CROCC: variants seen among roughly 807,000 people sequenced by gnomAD.
CROCC encodes ciliary rootlet coiled-coil, rootletin, also known as rootletin.
Under a neutral mutation model 245.2 loss-of-function variants are expected in CROCC, and 180 were observed. The ratio of observed to expected loss-of-function variants is 0.73; its 90% CI spans 0.65 to 0.83. The LOEUF (loss-of-function observed/expected upper bound fraction) is 0.83, where lower values mean the gene tolerates loss of function less well. Among genes scored for constraint, CROCC ranks in the 40% least tolerant of loss-of-function variants. The probability of loss-of-function intolerance (pLI) is 0.00; values close to 1 mark genes in which losing one functional copy is unlikely to be tolerated. For synonymous variants in CROCC, 1,205 were observed against 1,241.6 expected, an observed-to-expected ratio of 0.97 and a Z score of 0.62; for missense variants, 2,688 against 2,779.4, an observed-to-expected ratio of 0.97 and a Z score of 0.74.
rs748484024 is a variant in CROCC at position 16,969,871 on chromosome 1, C to T, written c.5388C>T (p.Gly1796=). ...SLGEQVQTLR[G]EVADLELQRV... ...GCGAGCAGGTGCAGACGTTGCGAGG[C>T]GAGGTGGCTGACCTGGAACTGCAGC... Residue 1796 remains glycine, a synonymous_variant, in exon 33 of 37, where the codon GGC becomes GGT. Coordinates refer to ENST00000375541, the MANE Select transcript of CROCC (RefSeq NM_014675.5). 9.3e-6 allele frequency: 15 copies of T among 1,611,450 alleles called. No homozygotes were observed. Among genetic ancestry groups the T allele is most frequent in the East Asian group, 2.2e-5 (1 of 44,818 alleles).
chr1:16,938,915 T>A lies in CROCC; in HGVS notation c.1381T>A (p.Leu461Met). The A allele has an allele frequency of 6.2e-7, 1 of 1,603,846 alleles. No homozygotes were observed. Among genetic ancestry groups the A allele is most frequent in the Non-Finnish European group, 8.5e-7 (1 of 1,177,190 alleles). Residue 461 changes from leucine (L) to methionine (M), a missense_variant, in exon 12 of 37, where the codon TTG becomes ATG. Physicochemically the swap from Leu to Met is conservative, Grantham distance 15 (BLOSUM62 2). Transcript: ENST00000375541. ...CTCCCTCCCCCACCCTCAGGCCGTC[T>A]TGTCAGACTCTGAGAGCGGCGTCCA... ...QTLRDLAQAV[L>M]SDSESGVQLS...
rs149931312 is a variant in CROCC, at chr1:16,966,001, C to T, written c.4578C>T (p.Asp1526=). The T allele has an allele frequency of 9.6e-4, 1,545 of 1,612,162 alleles. 2 individuals carry two copies. The highest frequency in any genetic ancestry group is 1.2e-3 in the Non-Finnish European group (1,432 of 1,178,620). The stretch of plus-strand genomic sequence containing the variant: ...GTTCCCCCATGTCGGGGCTACAGGA[C>T]GAACTTCGGACCCAGACCAGTGCCC... ...QELRSAQRER[D]ELRTQTSALN... is the part of the protein sequence containing the mutation. The change falls in exon 29 of 37, where the codon GAC becomes GAT. Residue 1526 remains aspartate, a splice_region_variant and synonymous_variant. Transcript: ENST00000375541. This position sits in a 1 kb window ranked among gnomAD's most constrained non-coding sequence, Gnocchi z 4.8.
intron 10 of CROCC, among the ~76,000 whole-genome samples, chr1:16,938,025 T>A (rs895341563): frequency 6.6e-6 from 1 of 152,272 alleles, no homozygotes; most frequent in Admixed American, 6.5e-5. Flanking sequence ...GAGTCGGGAC[T>A]TGAACTCCCA....
chr1:16,931,474 T>G, intron 8 of CROCC, 77 bp downstream of exon 8: 2 of 1,344,884 alleles, frequency 1.5e-6, no homozygotes, highest in Non-Finnish European at 2.1e-6. Flanking sequence ...CAGTTGAATT[T>G]CAGTTCAACT....
rs540244465 is a variant in CROCC at position 16,928,570 on chromosome 1, G to A, written c.352-1276G>A. Among the ~76,000 whole-genome samples, 50 of 152,182 alleles carry A rather than the reference G, an allele frequency of 3.3e-4. No individual in the cohort carries two copies. In the South Asian group the frequency reaches 4.6e-3, roughly 14 times the overall value. On this transcript the variant is annotated intron_variant, in intron 3 of 36. Coordinates refer to ENST00000375541, the MANE Select transcript of CROCC (RefSeq NM_014675.5). ...TGTAATCCCAGCACTTTGGGAGGCC[G>A]AGGCGGGTGGATTACGAGGTCAGGA...
chr1:16,953,596 G>A, intron 21 of CROCC, 115 bp downstream of exon 21: 1 of 1,010,098 alleles, frequency 9.9e-7, no homozygotes. Flanking sequence ...TGCCCTCTTG[G>A]GGGCCTCAGT....
At chr1:16,971,813 C>T (rs889107839) in intron 36 of CROCC, among the ~76,000 whole-genome samples, 166 bp downstream of exon 36, 4 of 152,214 alleles carry the variant, frequency 2.6e-5, no homozygotes, top group East Asian at 1.9e-4. Context: ...ACCGGGGCCA[C>T]GGGATGCTCC....
intron 27 of CROCC, among the ~76,000 whole-genome samples, chr1:16,962,292 TC>T (rs1320863924): frequency 6.6e-6 from 1 of 150,856 alleles, no homozygotes; most frequent in African/African-American, 2.4e-5. Flanking sequence ...ATGCCTGTAA[TC>T]CCAGCACTTT....
At chr1:16,960,167 G>A (rs1453016887) in intron 26 of CROCC, among the ~76,000 whole-genome samples, 1 of 152,118 alleles carries the variant, frequency 6.6e-6, no homozygotes, top group African/African-American at 2.4e-5. Context: ...CTCGGAGGCT[G>A]AGGTGGGAGG....
intron 20 of CROCC, chr1:16,952,033 A>C (rs1281119063): frequency 6.7e-6 from 1 of 150,330 alleles, no homozygotes; most frequent in Non-Finnish European, 1.5e-5. Flanking sequence ...CTGGGATTAT[A>C]GGCGCGCCAC....
rs1316312548 is a variant in CROCC at position 16,953,317 on chromosome 1, G to A, written c.3022G>A (p.Glu1008Lys). ...GGCCCCCTAGGAGGCAGCATGGCGG[G>A]AGCTGGAGGCCGAGCGGGCCCAGCT... Reference protein sequence around the residue: ...LQREKEAAWRELEAERAQLQS... With the variant: ...LQREKEAAWRKLEAERAQLQS... The change falls in exon 21 of 37, where the codon GAG becomes AAG. Residue 1008 changes from glutamate (E) to lysine (K), a missense_variant. Glu to Lys is a moderately conservative substitution (Grantham distance 56). Coordinates refer to ENST00000375541, the MANE Select transcript of CROCC (RefSeq NM_014675.5). 2.5e-6 allele frequency: 4 copies of A among 1,590,252 alleles called. No homozygotes were observed. The highest frequency in any genetic ancestry group is 3.4e-6 in the Non-Finnish European group (4 of 1,170,488).
In CROCC at chr1:16,961,121, C is replaced by T. The variant is rs1438305477; in HGVS notation, c.4396C>T (p.Pro1466Ser). Reference sequence around the variant, plus strand: ...GCCCGGTTCCCCTGCCCGGGACGCACCCGCAGAAGGTAAGGGCAGTGCCGC... The same window carrying T: ...GCCCGGTTCCCCTGCCCGGGACGCATCCGCAGAAGGTAAGGGCAGTGCCGC... ...PVPGSPARDA[P>S]AEGSGEGLNS... Residue 1466 changes from proline (P) to serine (S), a missense_variant, in exon 27 of 37, where the codon CCC becomes TCC. Pro to Ser is a moderately conservative substitution (Grantham distance 74). This residue lies in a region of CROCC where 1,218 missense variants were observed against 1,286.3 expected (regional missense o/e 0.95). Transcript: ENST00000375541. 34 of 1,351,232 alleles carry T rather than the reference C, an allele frequency of 2.5e-5. No individual in the cohort carries two copies. The highest frequency in any genetic ancestry group is 4.6e-5 in the African/African-American group (3 of 65,118). The allele number at this position is 1,351,232 out of a possible 1,614,324, so 83.7% of individuals were successfully genotyped here. A position where few individuals can be genotyped will look rare whatever the true frequency, so the allele number is the denominator to read the frequency against.
chr1:16,916,723 G>A (rs1411586576), intron 1 of CROCC, among the ~76,000 whole-genome samples: 1 of 152,284 alleles, frequency 6.6e-6, no homozygotes, highest in South Asian at 2.1e-4. Flanking sequence ...GTGTTGCCAG[G>A]GCTGGTCTCA....
At chr1:16,914,100 G>A (rs1174681940) in intron 1 of CROCC, among the ~76,000 whole-genome samples, 1 of 151,560 alleles carries the variant, frequency 6.6e-6, no homozygotes, top group Middle Eastern at 3.2e-3. Flanking sequence ...CGGCCCGCTC[G>A]GCCTCGGCAG....
At chr1:16,927,382 G>A (rs1228926281) in intron 3 of CROCC, among the ~76,000 whole-genome samples, 6 of 152,230 alleles carry the variant, frequency 3.9e-5, no homozygotes, top group Non-Finnish European at 8.8e-5. Context: ...GGCCCACAAA[G>A]GTATGCCCAG....
In CROCC at chr1:16,968,321, C is replaced by T. The variant is rs904028057; in HGVS notation, c.4979C>T (p.Ser1660Leu). 5 of 1,548,994 alleles carry T rather than the reference C, an allele frequency of 3.2e-6. No homozygotes were observed. The highest frequency in any genetic ancestry group is 3.9e-5 in the Admixed American group (2 of 50,980). The change falls in exon 31 of 37, where the codon TCG (serine) becomes TTG (leucine). Residue 1660 changes from serine (S) to leucine (L), a missense_variant. Ser to Leu is a moderately radical substitution (Grantham distance 145, BLOSUM62 -2). Around this residue, in one of 9 missense-constraint regions of CROCC, gnomAD observed 1,218 missense variants for 1,286.3 expected, o/e 0.95. Transcript: ENST00000375541. Reference protein sequence around the residue: ...RTVKLELQRRSLEGELQRSRL... With the variant: ...RTVKLELQRRLLEGELQRSRL... ...GTCAAGCTGGAGCTGCAGCGGCGCT[C>T]GCTTGAGGGGGAGCTGCAGCGCAGC...
At chr1:16,955,617 C>T in intron 24 of CROCC, 67 bp downstream of exon 24, 1 of 1,312,952 alleles carries the variant, frequency 7.6e-7, no homozygotes, top group Non-Finnish European at 1.0e-6. Flanking sequence ...CTAACTTCAC[C>T]CCCAACGTTC....
At chr1:16,969,462 G>C (rs2076476191) in intron 32 of CROCC, 122 bp downstream of exon 32, 2 of 1,040,760 alleles carry the variant, frequency 1.9e-6, no homozygotes, top group Admixed American at 5.0e-5. Context: ...GCCAATGAGA[G>C]CAGGCTTTGA....
upstream of CROCC, among the ~76,000 whole-genome samples, chr1:16,919,425 A>G (rs1310907715): frequency 1.3e-5 from 2 of 152,296 alleles, no homozygotes; most frequent in Non-Finnish European, 2.9e-5. Flanking sequence ...TAATGTGAAT[A>G]TGCCCCCTTT....
Sources: allele counts gnomAD v4.1 joint callset (sites outside exome capture counted in the v4.1 genomes callset), GRCh38; gene constraint gnomAD v4.1.1; regional missense constraint gnomAD v4.1.1; non-coding constraint Gnocchi (gnomAD v3.1); transcripts MANE v1.5; gene names NCBI Gene and HGNC (gene_info 2026-07-23, HGNC 2026-07-21).